Variants in TMEM132C observed in about 807,000 individuals in gnomAD.
The protein encoded by TMEM132C is protein phosphatase 1, regulatory subunit 152.
Under a neutral mutation model 61.4 loss-of-function variants are expected in TMEM132C, and 29 were observed. The ratio of observed to expected loss-of-function variants is 0.47; its 90% confidence interval spans 0.35 to 0.64. TMEM132C has a LOEUF of 0.64. Among genes scored for constraint, TMEM132C ranks in the 30% least tolerant of loss-of-function variants. TMEM132C has a pLI of 0.00. For synonymous variants in TMEM132C, 656 were observed against 633.1 expected (o/e 1.04, Z -0.54); for missense variants, 1,408 against 1,476.9 (o/e 0.95, Z 0.76).
At chr12:128,605,821 C>T (rs1009066211) in intron 3 of TMEM132C, among the ~76,000 whole-genome samples, 2 of 152,090 alleles carry the variant, frequency 1.3e-5, no homozygotes, top group African/African-American at 2.4e-5. Context: ...CATTGGAGAG[C>T]GAGATGTGAA....
At chr12:128,385,959 C>G (rs967105705) in intron 1 of TMEM132C, among the ~76,000 whole-genome samples, 2 of 152,114 alleles carry the variant, frequency 1.3e-5, no homozygotes, top group Admixed American at 1.3e-4. Context: ...ACCTCTTGAT[C>G]ACAGTGCTCC....
At chr12:128,347,232 C>G (rs1460862207) in intron 1 of TMEM132C, among the ~76,000 whole-genome samples, 1 of 152,096 alleles carries the variant, frequency 6.6e-6, no homozygotes, top group African/African-American at 2.4e-5. Flanking sequence ...CAACTCCATC[C>G]AAGTTGCTGC....
rs139871981 is a variant in TMEM132C, at chr12:128,600,277, G to A, written c.1122-15875G>A. ...TATTACAGGTGTGAGCCACCGCACC[G>A]GGCCAAGACCTGATGGTTTTATAAG... On this transcript the variant is annotated intron_variant, in intron 3 of 8. Transcript: ENST00000435159. Among the ~76,000 whole-genome samples, 736 of 152,144 alleles carry A rather than the reference G, an allele frequency of 4.8e-3. 3 individuals carry two copies. Among genetic ancestry groups the A allele is most frequent in the Non-Finnish European group, 8.6e-3 (584 of 67,996 alleles).
At chr12:128,465,260 G>A (rs1870691331) in intron 2 of TMEM132C, among the ~76,000 whole-genome samples, 1 of 150,076 alleles carries the variant, frequency 6.7e-6, no homozygotes. Flanking sequence ...GTGCCATGGT[G>A]CCATCTCAGC....
At chr12:128,344,388 C>T (rs1364130844) in intron 1 of TMEM132C, among the ~76,000 whole-genome samples, 1 of 152,100 alleles carries the variant, frequency 6.6e-6, no homozygotes, top group African/African-American at 2.4e-5. Flanking sequence ...TCCATCTTCT[C>T]ACCTCGTGAT....
intron 2 of TMEM132C, among the ~76,000 whole-genome samples, chr12:128,447,366 T>C (rs1412540329): frequency 6.6e-6 from 1 of 152,206 alleles, no homozygotes; most frequent in African/African-American, 2.4e-5. Context: ...AAGAGGTAAT[T>C]CCCTGAAAAT....
chr12:128,592,567 C>G (rs181439866), intron 3 of TMEM132C, among the ~76,000 whole-genome samples: 1 of 152,208 alleles, frequency 6.6e-6, no homozygotes, highest in Admixed American at 6.5e-5. Context: ...AGATAAAGAA[C>G]GACTTCCTGG....
At chr12:128,349,546 G>T (rs1873273867) in intron 1 of TMEM132C, among the ~76,000 whole-genome samples, 1 of 152,222 alleles carries the variant, frequency 6.6e-6, no homozygotes, top group Non-Finnish European at 1.5e-5. Context: ...AAAATTCTAT[G>T]AATATTCATA....
At position 128,614,914 on chromosome 12, in the gene TMEM132C, G is replaced by A. The variant is rs182609313; in HGVS notation, c.1122-1238G>A. On this transcript the variant is annotated intron_variant, in intron 3 of 8. Transcript: ENST00000435159. ...TCCAACCTCTGCAGAGGACTGTTGT[G>A]GTGGAAACACCACTGTCACCCCTCG... 9.2e-5 allele frequency among the ~76,000 whole-genome samples: 14 copies of A among 152,274 alleles called. No homozygotes were observed. In the East Asian group the frequency reaches 1.7e-3, roughly 19 times the overall value.
intron 2 of TMEM132C, among the ~76,000 whole-genome samples, chr12:128,533,545 T>G (rs1283016782): frequency 6.6e-6 from 1 of 152,162 alleles, no homozygotes; most frequent in Non-Finnish European, 1.5e-5. Context: ...GTCCCAGGCC[T>G]CTCTCCTTGG....
intron 4 of TMEM132C, 60 bp from the exon 5 acceptor site, chr12:128,669,357 C>T: frequency 6.5e-7 from 1 of 1,535,092 alleles, no homozygotes; most frequent in Non-Finnish European, 8.8e-7. Context: ...CTAGAATTGT[C>T]CAGTTCCCAA....
chr12:128,311,723 C>T (rs1168795585), intron 1 of TMEM132C, among the ~76,000 whole-genome samples: 1 of 152,224 alleles, frequency 6.6e-6, no homozygotes, highest in Non-Finnish European at 1.5e-5. Flanking sequence ...TGGCGACTCA[C>T]TTCACGTCGG....
intron 2 of TMEM132C, among the ~76,000 whole-genome samples, chr12:128,486,406 C>T (rs1301918487): frequency 6.6e-6 from 1 of 151,934 alleles, no homozygotes; most frequent in Non-Finnish European, 1.5e-5. Context: ...CAAAACTGGG[C>T]ACAGGAATGA....
In TMEM132C at chr12:128,360,273, CACACACA is replaced by C. The variant is rs754770623; in HGVS notation, c.86-54458_86-54452del. 7.3e-3 allele frequency among the ~76,000 whole-genome samples: 1,113 copies of C among 151,836 alleles called. 4 individuals are homozygous for C. The highest frequency in any genetic ancestry group is 0.011 in the Non-Finnish European group (781 of 67,926). On this transcript the variant is annotated intron_variant, in intron 1 of 8. Transcript: ENST00000435159. ...ACACACACACACACACACACACACA[CACACACA>C]CCCCAGGATAACAGAGAGAGAACAA...
intron 1 of TMEM132C, among the ~76,000 whole-genome samples, chr12:128,361,357 CAT>C (rs1275449388): frequency 1.3e-5 from 2 of 152,260 alleles, no homozygotes; most frequent in Middle Eastern, 3.4e-3. Flanking sequence ...CAGTTTTCCA[CAT>C]GTTGGCCAGA....
At chr12:128,434,404 G>C (rs963900932) in intron 2 of TMEM132C, among the ~76,000 whole-genome samples, 18 of 150,272 alleles carry the variant, frequency 1.2e-4, no homozygotes, top group Admixed American at 1.0e-3. Flanking sequence ...GGGTTCAAGA[G>C]ATTCTCCTGC....
intron 3 of TMEM132C, among the ~76,000 whole-genome samples, chr12:128,587,400 A>G (rs766647690): frequency 1.3e-5 from 2 of 152,134 alleles, no homozygotes; most frequent in Non-Finnish European, 2.9e-5. Context: ...CTGGGACTTC[A>G]CTGGTAATGT....
intron 1 of TMEM132C, among the ~76,000 whole-genome samples, chr12:128,337,490 G>A (rs1442869373): frequency 6.6e-6 from 1 of 152,286 alleles, no homozygotes; most frequent in Non-Finnish European, 1.5e-5. Flanking sequence ...TGATTTCGCA[G>A]GTTGGAATTC....
chr12:128,375,081 C>T (rs1429793465), intron 1 of TMEM132C, among the ~76,000 whole-genome samples: 2 of 152,112 alleles, frequency 1.3e-5, no homozygotes, highest in African/African-American at 2.4e-5. Flanking sequence ...TGTTCAGCAG[C>T]GTCCGTGGCC....
Sources: gnomAD v4.1 joint callset for allele counts (sites outside exome capture counted in the v4.1 genomes callset) on GRCh38, gnomAD v4.1.1 for gene constraint, MANE v1.5 for transcripts, NCBI Gene and HGNC (gene_info 2026-07-23, HGNC 2026-07-21) for gene names.